USP22: variants seen among roughly 807,000 people sequenced by gnomAD.
USP22 encodes ubiquitin specific peptidase 22, also known as ubiquitin carboxyl-terminal hydrolase 22.
A neutral mutation model predicts 68.1 loss-of-function variants in USP22; 22 were observed. That is an observed-to-expected ratio of 0.32 (90% CI 0.23 to 0.46). The LOEUF is 0.46. Ranked by LOEUF, USP22 falls within the 20% of genes least tolerant of loss-of-function variation. The pLI is 1.00. For missense variants in USP22, 433 were observed against 695.8 expected, an observed-to-expected ratio of 0.62 and a Z score of 4.25; for synonymous variants, 279 against 274.2, an observed-to-expected ratio of 1.02 and a Z score of -0.17.
In USP22 at chr17:21,003,081, G is replaced by C; in HGVS notation, c.1536-8C>G. 6.2e-7 allele frequency: 1 copy of C among 1,613,898 alleles called. No individual in the cohort carries two copies. Among genetic ancestry groups the C allele is most frequent in the Non-Finnish European group, 8.5e-7 (1 of 1,179,912 alleles). The stretch of plus-strand genomic sequence containing the variant: ...TGATAGAACAGCAAGTACCTGTGGA[G>C]GCAGAGAGAGGGAGGAGGCTCACCT... On this transcript the variant is annotated splice_region_variant and splice_polypyrimidine_tract_variant and intron_variant, in intron 12 of 12. Coordinates refer to ENST00000261497, the MANE Select transcript of USP22 (RefSeq NM_015276.2).
At chr17:21,028,792 C>A in intron 1 of USP22, 118 bp from the exon 2 acceptor site, 1 of 1,294,740 alleles carries the variant, frequency 7.7e-7, no homozygotes, top group Middle Eastern at 2.1e-4. Context: ...CAGGGAATTC[C>A]ATCTTCAAGG....
Position 21,028,550 on chromosome 17 carries a change from T to C in USP22, c.296A>G (p.His99Arg). 1 of 1,613,968 alleles carries C rather than the reference T, an allele frequency of 6.2e-7. No homozygotes were observed. The highest frequency in any genetic ancestry group is 8.5e-7 in the Non-Finnish European group (1 of 1,179,974). Reference protein sequence around the residue: ...HIHEHAKAKRHNLAIDLMYGG... With the variant: ...HIHEHAKAKRRNLAIDLMYGG... ...CCAGAAGCTCGCCTCACCCAGGTTGTGCCGCTTCGCCTTCGCATGCTCGTG... is the reference window on the plus strand; with the variant it reads ...CCAGAAGCTCGCCTCACCCAGGTTGCGCCGCTTCGCCTTCGCATGCTCGTG... The change falls in exon 2 of 13, where the codon CAC (histidine) becomes CGC (arginine). Residue 99 changes from histidine (H) to arginine (R), a missense_variant. Coordinates refer to ENST00000261497, the MANE Select transcript of USP22 (RefSeq NM_015276.2).
At chr17:21,004,109 G>A in intron 12 of USP22, 93 bp downstream of exon 12, 1 of 1,504,262 alleles carries the variant, frequency 6.6e-7, no homozygotes, top group Non-Finnish European at 9.0e-7. Context: ...ACCTTCGAGT[G>A]GTTCTAGGCT....
chr17:21,016,034 T>G, intron 5 of USP22, 135 bp from the exon 6 acceptor site: 1 of 1,213,792 alleles, frequency 8.2e-7, no homozygotes, highest in Non-Finnish European at 1.1e-6. Context: ...GGATTTTACT[T>G]TTCTACTTTT....
chr17:21,024,103 G>A lies in USP22; in HGVS notation c.305-2877C>T, dbSNP rs7222852. 8.7e-3 allele frequency among the ~76,000 whole-genome samples: 1,326 copies of A among 152,236 alleles called. 27 individuals are homozygous for A. The highest frequency in any genetic ancestry group is 0.029 in the African/African-American group (1,210 of 41,516). On this transcript the variant is annotated intron_variant, in intron 2 of 12. Coordinates refer to ENST00000261497, the MANE Select transcript of USP22 (RefSeq NM_015276.2). ...AAAAAATTCACAAAATGCCAACAAC[G>A]ATGTTAAAATCCTGGTGGGAGCTGT...
chr17:21,042,804 G>C lies in USP22; in HGVS notation c.32C>G (p.Ala11Gly). 1 of 1,468,558 alleles carries C rather than the reference G, an allele frequency of 6.8e-7. No individual in the cohort carries two copies. The highest frequency in any genetic ancestry group is 9.0e-7 in the Non-Finnish European group (1 of 1,109,716). 91.0% of individuals were successfully genotyped at this position (1,468,558 alleles called of 1,614,324 possible). Residue 11 changes from alanine to glycine, a missense_variant, in exon 1 of 13, where the codon GCC becomes GGC. Ala to Gly is a moderately conservative substitution (Grantham distance 60). Coordinates refer to ENST00000261497, the MANE Select transcript of USP22 (RefSeq NM_015276.2). ...CGCTACCGCCAGCTCGGCGTCCATGGCCTCGCCCTCGGGCTCTGGCCGGGA... is the reference window on the plus strand; with the variant it reads ...CGCTACCGCCAGCTCGGCGTCCATGCCCTCGCCCTCGGGCTCTGGCCGGGA... MVSRPEPEGEAMDAELAVAPP... is the reference protein window; with the variant it reads MVSRPEPEGEGMDAELAVAPP...
intron 5 of USP22, 47 bp from the exon 6 acceptor site, chr17:21,015,946 T>A (rs1380643387): frequency 6.2e-7 from 1 of 1,600,882 alleles, no homozygotes; most frequent in South Asian, 1.1e-5. Context: ...AAATGTAGAC[T>A]CTGAACACAG....
At chr17:21,027,618 G>A (rs889490155) in intron 2 of USP22, among the ~76,000 whole-genome samples, 2 of 152,134 alleles carry the variant, frequency 1.3e-5, no homozygotes, top group African/African-American at 2.4e-5. Context: ...CCAACTCCAT[G>A]AGCATTCCAA....
chr17:21,023,317 G>T (rs377328917), intron 2 of USP22, among the ~76,000 whole-genome samples: 13 of 152,178 alleles, frequency 8.5e-5, no homozygotes, highest in African/African-American at 3.1e-4. Context: ...ACCTGCACAT[G>T]TACCGTTGAA....
Position 21,004,779 on chromosome 17 carries a change from GC to G in USP22, c.1385+148del. The G allele has an allele frequency of 1.3e-4, 11 of 86,514 alleles. 4 individuals carry two copies. In the South Asian group the frequency reaches 2.4e-3, roughly 19 times the overall value. The allele number at this position is 86,514 out of a possible 1,614,324, so 5.4% of individuals were successfully genotyped here. A position where few individuals can be genotyped will look rare whatever the true frequency, so the allele number is the denominator to read the frequency against. ...TGGAGCGGCCTTTCCTAGTGGAGCT[GC>G]GGGCAGCCAATAGTGGAGCTGCGGG... On this transcript the variant is annotated intron_variant, in intron 11 of 12. Transcript: ENST00000261497.
chr17:21,015,620 G>C lies in USP22; in HGVS notation c.838+132C>G, dbSNP rs867568447. On this transcript the variant is annotated intron_variant, in intron 6 of 12. Coordinates refer to ENST00000261497, the MANE Select transcript of USP22 (RefSeq NM_015276.2). Reference sequence around the variant, plus strand: ...TGACTTCAGAAACAAATGACGACAAGGGCTATGATGACAAAACAATGGAAT... The same window carrying C: ...TGACTTCAGAAACAAATGACGACAACGGCTATGATGACAAAACAATGGAAT... 1.8e-5 allele frequency: 23 copies of C among 1,268,048 alleles called. No homozygotes were observed. The African/African-American group carries it at 3.1e-4, about 17-fold the overall frequency. 78.5% of individuals were successfully genotyped at this position (1,268,048 alleles called of 1,614,324 possible).
Position 21,002,962 on chromosome 17 carries a change from C to A in USP22, c.*69G>T. The A allele has an allele frequency of 6.4e-7, 1 of 1,570,052 alleles. No homozygotes were observed. The highest frequency in any genetic ancestry group is 8.7e-7 in the Non-Finnish European group (1 of 1,146,662). ...GCGGGAGACTTGGGGGAGGGGGGGG[C>A]CAGGGAGGATCACTTTGTGAGGCTT... On this transcript the variant is annotated 3_prime_UTR_variant, in exon 13 of 13. Coordinates refer to ENST00000261497, the MANE Select transcript of USP22 (RefSeq NM_015276.2).
intron 1 of USP22, among the ~76,000 whole-genome samples, chr17:21,029,631 G>A (rs934490140): frequency 6.6e-6 from 1 of 152,186 alleles, no homozygotes; most frequent in African/African-American, 2.4e-5. Flanking sequence ...AGTAGAAAAG[G>A]TCCATATAGT....
intron 2 of USP22, among the ~76,000 whole-genome samples, chr17:21,028,042 A>C (rs1418062162): frequency 6.6e-6 from 1 of 152,212 alleles, no homozygotes; most frequent in Non-Finnish European, 1.5e-5. Context: ...TGATTTTGTA[A>C]GGCTGTGAAA....
intron 5 of USP22, among the ~76,000 whole-genome samples, chr17:21,017,618 C>A (rs1972104890): frequency 6.6e-6 from 1 of 152,080 alleles, no homozygotes; most frequent in African/African-American, 2.4e-5. Flanking sequence ...CCTTTCTGAG[C>A]CAGGAAGGTA....
Position 21,013,890 on chromosome 17 carries a change from C to T in USP22, c.839-955G>A, listed in dbSNP as rs189572711. ...GAGACCGAGACCATCCTGGCTAACA[C>T]GGTGAAACCCCGTCTCTACTAAAAA... is the stretch of plus-strand genomic sequence containing the variant. On this transcript the variant is annotated intron_variant, in intron 6 of 12. Coordinates refer to ENST00000261497, the MANE Select transcript of USP22 (RefSeq NM_015276.2). Among the ~76,000 whole-genome samples the T allele has an allele frequency of 8.9e-3, 1,353 of 152,222 alleles. 14 individuals carry two copies. The highest frequency in any genetic ancestry group is 0.024 in the African/African-American group (1,000 of 41,532).
intron 1 of USP22, among the ~76,000 whole-genome samples, chr17:21,035,700 A>G (rs1363035165): frequency 1.3e-5 from 2 of 152,226 alleles, no homozygotes; most frequent in African/African-American, 4.8e-5. Flanking sequence ...ACGACTTACC[A>G]GTATAGCCAC....
At position 21,042,973 on chromosome 17, in the gene USP22, A is replaced by G. The variant is rs902284080; in HGVS notation, c.-138T>C. On this transcript the variant is annotated 5_prime_UTR_variant, in exon 1 of 13. Transcript: ENST00000261497. ...CGAGAACAAAGCGCGGAGGCCGGACAAAGATGGGGCTGCGCGATCGCCGAG... is the reference window on the plus strand; with the variant it reads ...CGAGAACAAAGCGCGGAGGCCGGACGAAGATGGGGCTGCGCGATCGCCGAG... 2 of 440,276 alleles carry G rather than the reference A, an allele frequency of 4.5e-6. No individual in the cohort carries two copies. Among genetic ancestry groups the G allele is most frequent in the Non-Finnish European group, 7.1e-6 (2 of 280,742 alleles). The allele number at this position is 440,276 out of a possible 1,614,324, so 27.3% of individuals were successfully genotyped here.
Position 20,999,606 on chromosome 17 carries a change from T to C in USP22, c.*3425A>G, listed in dbSNP as rs1425475282. 1 of 151,904 alleles carries C rather than the reference T, an allele frequency of 6.6e-6. No individual in the cohort carries two copies. The highest frequency in any genetic ancestry group is 1.5e-5 in the Non-Finnish European group (1 of 68,006). The allele number at this position is 151,904 out of a possible 1,614,324, so 9.4% of individuals were successfully genotyped here. A position where few individuals can be genotyped will look rare whatever the true frequency, so the allele number is the denominator to read the frequency against. Reference sequence around the variant, plus strand: ...AAAACTGGCCAGTTCTCAGAGAAAATGTAGCTTTATTATGACATAGGAGAG... The same window carrying C: ...AAAACTGGCCAGTTCTCAGAGAAAACGTAGCTTTATTATGACATAGGAGAG... On this transcript the variant is annotated 3_prime_UTR_variant, in exon 13 of 13. Transcript: ENST00000261497.
Sources: gnomAD v4.1 joint callset for allele counts (sites outside exome capture counted in the v4.1 genomes callset) on GRCh38, gnomAD v4.1.1 for gene constraint, MANE v1.5 for transcripts, NCBI Gene and HGNC (gene_info 2026-07-23, HGNC 2026-07-21) for gene names.